REXO5: variants seen among roughly 807,000 people sequenced by gnomAD.
The protein encoded by REXO5 is RNA exonuclease 5, also known as exonuclease NEF-sp.
Under a neutral mutation model 88.5 loss-of-function variants are expected in REXO5, and 48 were observed. That is an observed-to-expected ratio of 0.54 (90% CI 0.43 to 0.69). The LOEUF (loss-of-function observed/expected upper bound fraction) is 0.69, where lower values mean the gene tolerates loss of function less well. REXO5 is among the 30% of genes least tolerant of loss of function. The pLI is 0.00. For missense variants in REXO5, 749 were observed against 912.2 expected (o/e 0.82, Z 2.30); for synonymous variants, 311 against 336.5 (o/e 0.92, Z 0.83).
Position 20,816,171 on chromosome 16 carries a change from A to G in REXO5, c.434A>G (p.Gln145Arg). 6.2e-7 allele frequency: 1 copy of G among 1,614,146 alleles called. No homozygotes were observed. The highest frequency in any genetic ancestry group is 2.2e-5 in the East Asian group (1 of 44,870). ...SDFLADVVGLQTEQRAGDLPK... is the reference protein window; with the variant it reads ...SDFLADVVGLRTEQRAGDLPK... ...TTTCTAGCTGATGTTGTTGGGCTAC[A>G]AACTGAACAAAGAGCTGGAGATCTG... Residue 145 changes from glutamine (Q) to arginine (R), a missense_variant, in exon 5 of 20, where the codon CAA becomes CGA. Coordinates refer to ENST00000261377, the MANE Select transcript of REXO5 (RefSeq NM_030941.3).
Position 20,839,832 on chromosome 16 carries a change from T to A in REXO5, c.1461T>A (p.Pro487=), listed in dbSNP as rs201170719. Residue 487 remains proline, a synonymous_variant, in exon 14 of 20, where the codon CCT becomes CCA. Transcript: ENST00000261377. ...AGTTCTCTTTTAAGGCCTTTTCACC[T>A]GTCCTCACTGAGGAGATGAACAAAA... ...IVQFSFKAFS[P]VLTEEMNKRM... The A allele has an allele frequency of 5.0e-5, 81 of 1,612,628 alleles. No homozygotes were observed. The highest frequency in any genetic ancestry group is 2.0e-4 in the Admixed American group (12 of 59,984).
intron 5 of REXO5, 115 bp downstream of exon 5, chr16:20,816,327 T>A: frequency 1.7e-5 from 3 of 172,258 alleles, no homozygotes; most frequent in Non-Finnish European, 2.4e-5. Context: ...CAAAAACAAT[T>A]TTTTTTTTTT....
At chr16:20,821,231 C>T (rs1435428362) in intron 5 of REXO5, among the ~76,000 whole-genome samples, 1 of 151,992 alleles carries the variant, frequency 6.6e-6, no homozygotes, top group Non-Finnish European at 1.5e-5. Flanking sequence ...AAGTATATTC[C>T]TCCTCCTATC....
chr16:20,807,163 C>T, intron 2 of REXO5, 72 bp downstream of exon 2: 1 of 1,519,784 alleles, frequency 6.6e-7, no homozygotes, highest in African/African-American at 1.4e-5. Flanking sequence ...CAACCGCCGT[C>T]GGGGGCACTG....
At chr16:20,814,216 C>A (rs2081047450) in intron 3 of REXO5, among the ~76,000 whole-genome samples, 1 of 151,204 alleles carries the variant, frequency 6.6e-6, no homozygotes, top group African/African-American at 2.4e-5. Flanking sequence ...GTCTTATTTA[C>A]AAAAATGGGT....
intron 18 of REXO5, 101 bp from the exon 19 acceptor site, chr16:20,846,120 G>A (rs2081602768): frequency 2.2e-6 from 2 of 911,104 alleles, no homozygotes; most frequent in South Asian, 1.4e-5. Flanking sequence ...AACCTTTACT[G>A]GAATCCCATA....
intron 15 of REXO5, among the ~76,000 whole-genome samples, chr16:20,843,005 G>A (rs1007030126): frequency 2.6e-5 from 4 of 152,182 alleles, no homozygotes; most frequent in African/African-American, 7.2e-5. Flanking sequence ...ACTGACACTT[G>A]TTTTCTATTT....
chr16:20,830,708 A>G (rs1050449922), intron 11 of REXO5, among the ~76,000 whole-genome samples: 8 of 152,086 alleles, frequency 5.3e-5, no homozygotes, highest in Non-Finnish European at 1.2e-4. Flanking sequence ...GATTTTTAGT[A>G]TGGTAATGCA....
intron 12 of REXO5, 57 bp downstream of exon 12, chr16:20,832,316 T>A: frequency 2.8e-6 from 3 of 1,077,264 alleles, no homozygotes; most frequent in Non-Finnish European, 2.8e-6. Context: ...AGTTTCTTAT[T>A]TAACAACACC....
intron 5 of REXO5, among the ~76,000 whole-genome samples, chr16:20,818,164 C>A (rs755288417): frequency 2.0e-5 from 3 of 152,152 alleles, no homozygotes; most frequent in Admixed American, 6.5e-5. Context: ...AACCCTTTCC[C>A]TGCCCCAATA....
chr16:20,812,697 C>A (rs967773079), intron 2 of REXO5, among the ~76,000 whole-genome samples: 1 of 152,180 alleles, frequency 6.6e-6, no homozygotes, highest in Non-Finnish European at 1.5e-5. Context: ...AACATGCAAT[C>A]CTGGCTCCTT....
chr16:20,816,520 T>G (rs1011271574), intron 5 of REXO5, among the ~76,000 whole-genome samples: 2 of 152,054 alleles, frequency 1.3e-5, no homozygotes, highest in African/African-American at 4.8e-5. Flanking sequence ...GTTTGTTTGT[T>G]TTGAGAAACG....
intron 13 of REXO5, among the ~76,000 whole-genome samples, chr16:20,838,880 T>C (rs888585958): frequency 5.3e-5 from 8 of 152,142 alleles, no homozygotes; most frequent in South Asian, 2.1e-4. Flanking sequence ...TTATGTCAGA[T>C]AGGGAGAGGT....
intron 2 of REXO5, among the ~76,000 whole-genome samples, chr16:20,807,765 A>C (rs2080921003): frequency 6.6e-6 from 1 of 150,882 alleles, no homozygotes; most frequent in South Asian, 2.1e-4. Context: ...AAACAAAACA[A>C]AAAAAAAACT....
rs1020909203 is a variant in REXO5, at chr16:20,827,064, G to A, written c.828G>A (p.Ser276=). Residue 276 remains serine, a synonymous_variant, in exon 9 of 20, where the codon TCG becomes TCA. Coordinates refer to ENST00000261377, the MANE Select transcript of REXO5 (RefSeq NM_030941.3). ...NKILDYLTSF[S]GITKKILNPV... is the part of the protein sequence containing the mutation. ...TCTCTTTTTTTAATGAAAGCTTTTC[G>A]GGAATCACGAAGAAGATTCTTAACC... 1.2e-6 allele frequency: 2 copies of A among 1,612,772 alleles called. No homozygotes were observed. The highest frequency in any genetic ancestry group is 2.2e-5 in the East Asian group (1 of 44,846).
At position 20,816,225 on chromosome 16, in the gene REXO5, T is replaced by C; in HGVS notation, c.475+13T>C. On this transcript the variant is annotated intron_variant, in intron 5 of 19. Transcript: ENST00000261377. Reference sequence around the variant, plus strand: ...AAGACAATGGAAGGTATAGCTATGATGCTGGTTTGATGCTTTGCTCACTCT... The same window carrying C: ...AAGACAATGGAAGGTATAGCTATGACGCTGGTTTGATGCTTTGCTCACTCT... 6.3e-7 allele frequency: 1 copy of C among 1,594,714 alleles called. No homozygotes were observed. Among genetic ancestry groups the C allele is most frequent in the Non-Finnish European group, 8.6e-7 (1 of 1,163,452 alleles).
At position 20,807,100 on chromosome 16, in the gene REXO5, C is replaced by G; in HGVS notation, c.138+9C>G. 1 of 1,598,254 alleles carries G rather than the reference C, an allele frequency of 6.3e-7. No individual in the cohort carries two copies. On this transcript the variant is annotated intron_variant, in intron 2 of 19. Transcript: ENST00000261377. ...GTCAGCCCGAGGCCAAGGTGAGCAACGGGGATCCCGAGCAGGCGGCCCTAG... is the reference window on the plus strand; with the variant it reads ...GTCAGCCCGAGGCCAAGGTGAGCAAGGGGGATCCCGAGCAGGCGGCCCTAG...
rs371602325 is a variant in REXO5, at chr16:20,845,714, C to T, written c.2124+473C>T. ...ATTGAGCCTATGATTTTGTGGATGG[C>T]ATTAGTTAGACAAGGCTAAGGAAGA... On this transcript the variant is annotated intron_variant, in intron 18 of 19. Transcript: ENST00000261377. Among the ~76,000 whole-genome samples, 203 of 151,892 alleles carry T rather than the reference C, an allele frequency of 1.3e-3. 1 individual carries two copies. The highest frequency in any genetic ancestry group is 4.7e-3 in the African/African-American group (195 of 41,402).
chr16:20,806,545 TAAG>T lies in REXO5; in HGVS notation c.-162_-160del, dbSNP rs2080878866. The T allele has an allele frequency of 6.6e-7, 1 of 1,519,526 alleles. No homozygotes were observed. Among genetic ancestry groups the T allele is most frequent in the South Asian group, 1.2e-5 (1 of 81,212 alleles). The allele number at this position is 1,519,526 out of a possible 1,614,324, so 94.1% of individuals were successfully genotyped here. On this transcript the variant is annotated 5_prime_UTR_variant, in exon 1 of 20. Transcript: ENST00000261377. ...GGCGGTTGTTGTTGGCAGCTGTGGC[TAAG>T]GAGGGGAGAACCTCTGCTCCCCGCC...
Sources: allele counts gnomAD v4.1 joint callset (sites outside exome capture counted in the v4.1 genomes callset), GRCh38; gene constraint gnomAD v4.1.1; transcripts MANE v1.5; gene names NCBI Gene and HGNC (gene_info 2026-07-23, HGNC 2026-07-21).